Variants in ELL2 observed in about 807,000 individuals in gnomAD.
ELL2 encodes elongation factor for RNA polymerase II 2.
Under a neutral mutation model 72.8 loss-of-function variants are expected in ELL2, and 21 were observed. The observed-to-expected ratio is 0.29, with a 90% CI of 0.20 to 0.42. The LOEUF (loss-of-function observed/expected upper bound fraction) is 0.42. Ranked by LOEUF, ELL2 falls within the 10% of genes least tolerant of loss-of-function variation. The pLI is 1.00. For synonymous variants in ELL2, 266 were observed against 283.2 expected, an observed-to-expected ratio of 0.94 and a Z score of 0.61; for missense variants, 568 against 772.8, an observed-to-expected ratio of 0.73 and a Z score of 3.14.
chr5:95,957,062 C>CT (rs1423347186), intron 1 of ELL2, among the ~76,000 whole-genome samples: 1 of 152,168 alleles, frequency 6.6e-6, no homozygotes, highest in Non-Finnish European at 1.5e-5. Context: ...CTATGCAAGA[C>CT]TGTTTATGTA....
chr5:95,904,561 TTAA>T (rs1391581387), intron 5 of ELL2, among the ~76,000 whole-genome samples: 1 of 152,224 alleles, frequency 6.6e-6, no homozygotes, highest in Non-Finnish European at 1.5e-5. Context: ...CTTTGATGAA[TTAA>T]TAATGTCCAC....
intron 5 of ELL2, among the ~76,000 whole-genome samples, chr5:95,902,703 A>C (rs1051206868): frequency 6.6e-6 from 1 of 152,250 alleles, no homozygotes; most frequent in Non-Finnish European, 1.5e-5. Flanking sequence ...CAAATTTGCA[A>C]ATAAGTTAAT....
rs1748473854 is a variant in ELL2 at position 95,886,631 on chromosome 5, G to A, written c.*2240C>T. ...CTCAGATCATGCAAAGGGGAAAAGT[G>A]ATTTGCACCTGCTGACATGATGGAC... On this transcript the variant is annotated 3_prime_UTR_variant, in exon 12 of 12. Transcript: ENST00000237853. 6.7e-6 allele frequency: 1 copy of A among 149,618 alleles called. No homozygotes were observed. The highest frequency in any genetic ancestry group is 1.5e-5 in the Non-Finnish European group (1 of 67,768). The allele number at this position is 149,618 out of a possible 1,614,324, so 9.3% of individuals were successfully genotyped here.
In ELL2 at chr5:95,961,556, T is replaced by TGCCG. The variant is rs1751856836; in HGVS notation, c.147+15_147+18dup. ...GCGCTCTGCCTCTCTGAGCCCAGCC[T>TGCCG]GCCGGCCGGCCCGCTCACCTTGTGG... On this transcript the variant is annotated intron_variant, in intron 1 of 11. Coordinates refer to ENST00000237853, the MANE Select transcript of ELL2 (RefSeq NM_012081.6). The TGCCG allele has an allele frequency of 6.4e-7, 1 of 1,563,616 alleles. No individual in the cohort carries two copies. Among genetic ancestry groups the TGCCG allele is most frequent in the African/African-American group, 1.4e-5 (1 of 70,450 alleles).
rs140202369 is a variant in ELL2 at position 95,915,681 on chromosome 5, C to T, written c.318-1747G>A. ...GAAAGGTAATCTCACCTGGACTTCC[C>T]AGAGGAGGTGATGCCTGAGGTGATC... On this transcript the variant is annotated intron_variant, in intron 3 of 11. Transcript: ENST00000237853. Among the ~76,000 whole-genome samples the T allele has an allele frequency of 4.7e-4, 71 of 152,276 alleles. No homozygotes were observed. In the East Asian group the frequency reaches 0.013, roughly 28 times the overall value.
intron 1 of ELL2, among the ~76,000 whole-genome samples, chr5:95,960,262 G>T (rs1246819790): frequency 6.6e-6 from 1 of 151,614 alleles, no homozygotes; most frequent in Non-Finnish European, 1.5e-5. Context: ...TCTCCCTTCC[G>T]ACTCTCTCCT....
chr5:95,911,864 G>A (rs1470773658), intron 4 of ELL2, among the ~76,000 whole-genome samples: 1 of 152,184 alleles, frequency 6.6e-6, no homozygotes, highest in Non-Finnish European at 1.5e-5. Context: ...GACGGTGAGT[G>A]GCTAGGACAC....
intron 1 of ELL2, among the ~76,000 whole-genome samples, chr5:95,956,939 T>C (rs1291922424): frequency 6.6e-6 from 1 of 152,226 alleles, no homozygotes; most frequent in East Asian, 1.9e-4. Context: ...CAGAAAAATG[T>C]ATTTCAATCC....
chr5:95,908,275 C>T (rs1292676962), intron 4 of ELL2, among the ~76,000 whole-genome samples: 1 of 152,154 alleles, frequency 6.6e-6, no homozygotes, highest in Non-Finnish European at 1.5e-5. Flanking sequence ...CTAGGTTTCA[C>T]CTGAAAAGGC....
At chr5:95,891,392 C>T in intron 9 of ELL2, 118 bp from the exon 10 acceptor site, 1 of 1,031,230 alleles carries the variant, frequency 9.7e-7, no homozygotes, top group South Asian at 1.8e-5. Context: ...ATGTTTAATG[C>T]CACTCTGCCA....
intron 4 of ELL2, chr5:95,913,190 AATGG>A (rs1255646438): frequency 1.3e-5 from 2 of 152,236 alleles, no homozygotes; most frequent in African/African-American, 2.4e-5. Flanking sequence ...GGTCTTAATT[AATGG>A]ATAGATGAGG....
intron 5 of ELL2, 91 bp from the exon 6 acceptor site, chr5:95,901,171 A>T (rs1718382261): frequency 7.4e-7 from 1 of 1,360,228 alleles, no homozygotes; most frequent in Non-Finnish European, 9.8e-7. Context: ...CACTGAAAAT[A>T]ATTACATCAA....
chr5:95,960,536 G>A (rs552361806), intron 1 of ELL2, among the ~76,000 whole-genome samples: 1 of 152,084 alleles, frequency 6.6e-6, no homozygotes, highest in East Asian at 1.9e-4. Flanking sequence ...GTGTGTGTGT[G>A]TGTCCATGGG....
chr5:95,917,953 TA>T (rs1199688181), intron 3 of ELL2, among the ~76,000 whole-genome samples: 1 of 152,164 alleles, frequency 6.6e-6, no homozygotes, highest in Non-Finnish European at 1.5e-5. Context: ...GCACCACAAT[TA>T]AAAATTAGTG....
At position 95,929,326 on chromosome 5, in the gene ELL2, T is replaced by C. The variant is rs1298657798; in HGVS notation, c.196-9781A>G. Among the ~76,000 whole-genome samples the C allele has an allele frequency of 3.3e-5, 5 of 151,864 alleles. No individual in the cohort carries two copies. The South Asian group carries it at 8.4e-4, about 25-fold the overall frequency. ...CAGGCTGGAGTGCAGCGGCTCGATC[T>C]TGGCTCACTGCAACCTCTGCCGCCT... On this transcript the variant is annotated intron_variant, in intron 2 of 11. Transcript: ENST00000237853.
chr5:95,909,271 C>T (rs1015851457), intron 4 of ELL2, among the ~76,000 whole-genome samples: 1 of 152,312 alleles, frequency 6.6e-6, no homozygotes, highest in East Asian at 1.9e-4. Context: ...TCCCCTACCC[C>T]CAAAACACTC....
intron 7 of ELL2, among the ~76,000 whole-genome samples, chr5:95,899,174 G>A (rs1749023732): frequency 6.6e-6 from 1 of 152,204 alleles, no homozygotes; most frequent in South Asian, 2.1e-4. Context: ...ACTCAGGAGA[G>A]TATTAAACAG....
At chr5:95,917,310 CTAGT>C (rs908914139) in intron 3 of ELL2, among the ~76,000 whole-genome samples, 3 of 152,092 alleles carry the variant, frequency 2.0e-5, no homozygotes, top group Non-Finnish European at 2.9e-5. Context: ...GATAAGAAGA[CTAGT>C]TAATTTGTAT....
intron 2 of ELL2, among the ~76,000 whole-genome samples, chr5:95,939,854 T>A (rs1345846365): frequency 2.0e-5 from 3 of 152,206 alleles, no homozygotes; most frequent in Non-Finnish European, 4.4e-5. Flanking sequence ...CCTCTGAATG[T>A]TGTAACTTGA....
Sources: allele counts gnomAD v4.1 joint callset (sites outside exome capture counted in the v4.1 genomes callset), GRCh38; gene constraint gnomAD v4.1.1; transcripts MANE v1.5; gene names NCBI Gene and HGNC (gene_info 2026-07-23, HGNC 2026-07-21).